The following ADAM8 variants were observed in gnomAD, a reference collection of about 807,000 sequenced individuals.
ADAM8 encodes the protein disintegrin and metalloproteinase domain-containing protein 8.
In ADAM8, 104 loss-of-function variants were observed where a neutral mutation model predicts 102.4. The ratio of observed to expected loss-of-function variants is 1.02; its 90% CI spans 0.87 to 1.20. The LOEUF (loss-of-function observed/expected upper bound fraction) is 1.20. Among genes scored for constraint, ADAM8 ranks in the 50% most tolerant of loss-of-function variants. The pLI, the probability that ADAM8 is intolerant of heterozygous loss-of-function variation, is 0.00. For missense variants in ADAM8, 1,132 were observed against 1,159.0 expected (o/e 0.98, Z 0.34); for synonymous variants, 517 against 485.2 (o/e 1.07, Z -0.86).
At chr10:133,269,598 C>T (rs969871143) in intron 17 of ADAM8, 69 bp from the exon 18 acceptor site, 40 of 1,433,330 alleles carry the variant, frequency 2.8e-5, no homozygotes, top group Non-Finnish European at 3.6e-5. Flanking sequence ...GCCGTGCCTC[C>T]AGCATGAGGG....
At chr10:133,268,962 T>C (rs2136079755) in intron 18 of ADAM8, 100 bp from the exon 19 acceptor site, 1 of 1,513,450 alleles carries the variant, frequency 6.6e-7, no homozygotes, top group Non-Finnish European at 8.8e-7. Context: ...ACCCCCAGGC[T>C]GTGCCCTGTG....
intron 22 of ADAM8, 51 bp downstream of exon 22, chr10:133,263,637 C>CGTGCCACTGTCAGCCCCGTGGGGAGGCA (rs764958846): frequency 6.8e-7 from 1 of 1,472,972 alleles, no homozygotes; most frequent in Non-Finnish European, 9.0e-7. Context: ...GTGGGGAGGC[C>CGTGCCACTGTCAGCCCCGTGGGGAGGCA]GTGCCGTCCA....
rs929068094 is a variant in ADAM8, at chr10:133,267,996, G to A, written c.2186C>T (p.Thr729Ile). 7 of 1,260,812 alleles carry A rather than the reference G, an allele frequency of 5.6e-6. No homozygotes were observed. The highest frequency in any genetic ancestry group is 1.5e-5 in the African/African-American group (1 of 65,076). The allele number at this position is 1,260,812 out of a possible 1,614,324, so 78.1% of individuals were successfully genotyped here. The stretch of plus-strand genomic sequence containing the variant: ...TCGGGCGGGCTGGCCCGGGTGGGTG[G>A]TGGGGACCAGCTCTTGGGGGCCCCT... Reference protein sequence around the residue: ...PSRGPQELVPTTHPGQPARHP... With the variant: ...PSRGPQELVPITHPGQPARHP... Residue 729 changes from threonine (T) to isoleucine (I), a missense_variant, in exon 20 of 23, where the codon ACC becomes ATC. Thr to Ile is a moderately conservative substitution (Grantham distance 89). Coordinates refer to ENST00000445355, the MANE Select transcript of ADAM8 (RefSeq NM_001109.5).
Position 133,272,436 on chromosome 10 carries a change from A to T in ADAM8, c.855T>A (p.His285Gln), listed in dbSNP as rs1460821561. The part of the protein sequence containing the change: ...QARQRTRRHL[H>Q]DNVQLITGVD... ...CTCACGTGATGAGCTGTACGTTGTCATGCAGGTGCCGCCGTGTCCGTTGCC... is the reference window on the plus strand; with the variant it reads ...CTCACGTGATGAGCTGTACGTTGTCTTGCAGGTGCCGCCGTGTCCGTTGCC... Residue 285 changes from histidine to glutamine, a missense_variant, in exon 9 of 23, where the codon CAT (histidine) becomes CAA (glutamine). Transcript: ENST00000445355. The T allele has an allele frequency of 6.2e-7, 1 of 1,602,240 alleles. No individual in the cohort carries two copies. The highest frequency in any genetic ancestry group is 1.4e-5 in the African/African-American group (1 of 73,092).
intron 21 of ADAM8, among the ~76,000 whole-genome samples, chr10:133,265,265 C>T (rs867658021): frequency 7.6e-5 from 2 of 26,266 alleles, no homozygotes; most frequent in Non-Finnish European, 1.9e-4. Flanking sequence ...CCGCCACGCC[C>T]GGCTCCTGCT....
chr10:133,272,687 C>A, intron 8 of ADAM8, 102 bp from the exon 9 acceptor site: 1 of 1,536,000 alleles, frequency 6.5e-7, no homozygotes, highest in Admixed American at 1.8e-5. Context: ...GAGGTGGGGC[C>A]AGGCACAGGT....
Position 133,263,730 on chromosome 10 carries a change from TGG to T in ADAM8, c.2353_2354del (p.Pro785SerfsTer14). 6.5e-7 allele frequency: 1 copy of T among 1,549,338 alleles called. No individual in the cohort carries two copies. Among genetic ancestry groups the T allele is most frequent in the South Asian group, 1.2e-5 (1 of 83,130 alleles). On this transcript the variant is annotated frameshift_variant, in exon 22 of 23. Coordinates refer to ENST00000445355, the MANE Select transcript of ADAM8 (RefSeq NM_001109.5). LOFTEE classifies it low-confidence loss of function (END_TRUNC). The stretch of plus-strand genomic sequence containing the variant: ...TGGCCGCACCAGCCCCGGGTTTGAC[TGG>T]GGGCACTGGGGGTGCGAACGTTGGC... ...IKPTFAPPVP[P>X]VKPGAGAANP...
In ADAM8 at chr10:133,272,300, C is replaced by T. The variant is rs1846559268; in HGVS notation, c.876-26G>A. On this transcript the variant is annotated intron_variant, in intron 9 of 22. Transcript: ENST00000445355. ...CTGGAAGTGGGAGTGACACAGATGCCCTGGACACGGCTCCCTCCCCACTTC... is the reference window on the plus strand; with the variant it reads ...CTGGAAGTGGGAGTGACACAGATGCTCTGGACACGGCTCCCTCCCCACTTC... 2 of 1,505,540 alleles carry T rather than the reference C, an allele frequency of 1.3e-6. 1 individual carries two copies. Among genetic ancestry groups the T allele is most frequent in the Middle Eastern group, 3.6e-4 (2 of 5,550 alleles). The allele number at this position is 1,505,540 out of a possible 1,614,324, so 93.3% of individuals were successfully genotyped here. A position where few individuals can be genotyped will look rare whatever the true frequency, so the allele number is the denominator to read the frequency against.
rs373868739 is a variant in ADAM8, at chr10:133,268,138, C to T, written c.2064-20G>A. ...ACGTTCCTGGGGAGGAAGCACAGGG[C>T]GCATGGTCAGTGTCCGGCCATGGGG... On this transcript the variant is annotated intron_variant, in intron 19 of 22. Transcript: ENST00000445355. 76 of 1,257,218 alleles carry T rather than the reference C, an allele frequency of 6.0e-5. No homozygotes were observed. In the African/African-American group the frequency reaches 8.8e-4, roughly 15 times the overall value. The allele number at this position is 1,257,218 out of a possible 1,614,324, so 77.9% of individuals were successfully genotyped here.
chr10:133,270,113 C>T, intron 16 of ADAM8, 139 bp from the exon 17 acceptor site: 1 of 1,172,900 alleles, frequency 8.5e-7, no homozygotes, highest in Non-Finnish European at 1.2e-6. Context: ...CTGCCGGCTG[C>T]CTACCCCCAA....
chr10:133,272,376 C>A, intron 9 of ADAM8, 40 bp downstream of exon 9: 1 of 1,257,018 alleles, frequency 8.0e-7, no homozygotes, highest in Non-Finnish European at 1.1e-6. Flanking sequence ...CCCGCCCTCC[C>A]TCCCCAGCCC....
At chr10:133,264,025 C>T (rs986564905) in intron 21 of ADAM8, among the ~76,000 whole-genome samples, 1 of 152,040 alleles carries the variant, frequency 6.6e-6, no homozygotes, top group African/African-American at 2.4e-5. Flanking sequence ...CTAACCAACC[C>T]CCATATTACC....
Position 133,268,192 on chromosome 10 carries a change from TC to T in ADAM8, c.2064-75del, listed in dbSNP as rs1032176354. ...CAGCACCACACCCCGAGTCTCTCCCTCCCAGCTCCAGCCGACCCGAGAGGCT... is the reference window on the plus strand; with the variant it reads ...CAGCACCACACCCCGAGTCTCTCCCTCCAGCTCCAGCCGACCCGAGAGGCT... On this transcript the variant is annotated intron_variant, in intron 19 of 22. Transcript: ENST00000445355. 15 of 1,208,388 alleles carry T rather than the reference TC, an allele frequency of 1.2e-5. No individual in the cohort carries two copies. In the African/African-American group the frequency reaches 1.4e-4, roughly 11 times the overall value. 74.9% of individuals were successfully genotyped at this position (1,208,388 alleles called of 1,614,324 possible). A position where few individuals can be genotyped will look rare whatever the true frequency, so the allele number is the denominator to read the frequency against.
chr10:133,275,757 C>A (rs924357102), intron 1 of ADAM8, 170 bp from the exon 2 acceptor site: 1 of 524,402 alleles, frequency 1.9e-6, no homozygotes, highest in Non-Finnish European at 3.3e-6. Flanking sequence ...CTAAAAGACC[C>A]CAGGAGCGCC....
chr10:133,271,649 A>C lies in ADAM8; in HGVS notation c.1163T>G (p.Leu388Trp), dbSNP rs1315697128. The change falls in exon 12 of 23, where the codon TTG becomes TGG. Residue 388 changes from leucine (L) to tryptophan (W), a missense_variant. By Grantham distance (61) the Leu-to-Trp change is moderately conservative. Transcript: ENST00000445355. The stretch of plus-strand genomic sequence containing the variant: ...GAGGCACACCGACTGCGGCCGCTCC[A>C]AAAAGCTCTCCAGGTAGGCCTGGCT... ...DCSQAYLESF[L>W]ERPQSVCLAN... is the part of the protein sequence containing the mutation. The C allele has an allele frequency of 6.4e-7, 1 of 1,559,006 alleles. No homozygotes were observed. The highest frequency in any genetic ancestry group is 1.4e-5 in the African/African-American group (1 of 73,530).
chr10:133,272,498 T>C lies in ADAM8; in HGVS notation c.793A>G (p.Ser265Gly), dbSNP rs1260681322. 6.2e-7 allele frequency: 1 copy of C among 1,612,120 alleles called. No homozygotes were observed. Among genetic ancestry groups the C allele is most frequent in the Non-Finnish European group, 8.5e-7 (1 of 1,179,828 alleles). ...GTCAGGAGGTTCTCCAGTGTGACAC[T>C]GGGGTCGGGGCTGACGTGGAACCTG... ...QDRFHVSPDP[S>G]VTLENLLTWQ... The change falls in exon 9 of 23, where the codon AGT (serine) becomes GGT (glycine). Residue 265 changes from serine (S) to glycine (G), a missense_variant. Transcript: ENST00000445355.
chr10:133,272,806 C>CGTGATTCT lies in ADAM8; in HGVS notation c.696_697insAGAATCAC (p.Val233ArgfsTer43), dbSNP rs772133212. 60 of 1,609,944 alleles carry CGTGATTCT rather than the reference C, an allele frequency of 3.7e-5. No homozygotes were observed. In the East Asian group the frequency reaches 9.8e-4, roughly 26 times the overall value. ...CCAGGACCGCTGCCCACCTTGTCCA[C>CGTGATTCT]GTGATTCACCACCTCCAGCACCCGA... On this transcript the variant is annotated frameshift_variant, in exon 8 of 23. Transcript: ENST00000445355. LOFTEE classifies it high-confidence loss of function.
rs765796189 is a variant in ADAM8 at position 133,275,532 on chromosome 10, C to A, written c.102G>T (p.Pro34=). 1.1e-5 allele frequency: 16 copies of A among 1,523,002 alleles called. No homozygotes were observed. The highest frequency in any genetic ancestry group is 1.3e-5 in the South Asian group (1 of 79,652). 94.3% of individuals were successfully genotyped at this position (1,523,002 alleles called of 1,614,324 possible). Residue 34 remains proline (P), a synonymous_variant, in exon 2 of 23, where the codon CCG becomes CCT. Coordinates refer to ENST00000445355, the MANE Select transcript of ADAM8 (RefSeq NM_001109.5). ...GGACTCGGGGGCCTGGCAGACGCCA[C>A]GGCAACACGACCTCATACTGCTCCA... ...ALMEQYEVVL[P]WRLPGPRVRR... is the part of the protein sequence containing the mutation.
chr10:133,275,689 T>C (rs1017152535), intron 1 of ADAM8, 102 bp from the exon 2 acceptor site: 23 of 626,612 alleles, frequency 3.7e-5, no homozygotes, highest in Non-Finnish European at 4.9e-5. Context: ...GGCTTGACCC[T>C]CCCCTGGGGA....
Sources: gnomAD v4.1 joint callset for allele counts (sites outside exome capture counted in the v4.1 genomes callset) on GRCh38, gnomAD v4.1.1 for gene constraint, MANE v1.5 for transcripts, NCBI Gene and HGNC (gene_info 2026-07-23, HGNC 2026-07-21) for gene names.